Variants in LINGO1 observed in about 807,000 individuals in gnomAD.
LINGO1 encodes leucine-rich repeat and immunoglobulin-like domain-containing nogo receptor-interacting protein 1.
A neutral mutation model predicts 37.3 loss-of-function variants in LINGO1; 11 were observed. The ratio of observed to expected loss-of-function variants is 0.29; its 90% CI spans 0.19 to 0.49. The LOEUF (loss-of-function observed/expected upper bound fraction) is 0.49. LINGO1 is among the 20% of genes least tolerant of loss of function. LINGO1 has a pLI of 0.99. For synonymous variants in LINGO1, 387 were observed against 403.0 expected, an observed-to-expected ratio of 0.96 and a Z score of 0.48; for missense variants, 585 against 878.2, an observed-to-expected ratio of 0.67 and a Z score of 4.22.
intron 1 of LINGO1, among the ~76,000 whole-genome samples, chr15:77,801,466 A>G (rs1278208033): frequency 6.6e-6 from 1 of 152,232 alleles, no homozygotes; most frequent in Non-Finnish European, 1.5e-5. Context: ...GGAGGACAGC[A>G]CGCCAAGCTT....
chr15:77,761,386 T>C (rs1567568956), intron 1 of LINGO1, among the ~76,000 whole-genome samples: 1 of 152,188 alleles, frequency 6.6e-6, no homozygotes, highest in East Asian at 1.9e-4. Context: ...ACAGGACCAC[T>C]TGCAAGCAAG....
rs889926867 is a variant in LINGO1 at position 77,630,849 on chromosome 15, G to A, written c.6+1461C>T. Among the ~76,000 whole-genome samples the A allele has an allele frequency of 1.1e-4, 17 of 152,180 alleles. 1 individual carries two copies. The highest frequency in any genetic ancestry group is 9.8e-4 in the Admixed American group (15 of 15,290). On this transcript the variant is annotated intron_variant, in intron 1 of 1. Coordinates refer to ENST00000355300, the MANE Select transcript of LINGO1 (RefSeq NM_032808.7). ...CGATGTGAGTCTGTGCCCTCTTTCA[G>A]CACGGTTCCAAGGAGTTATTGGTCT... is the stretch of plus-strand genomic sequence containing the variant.
chr15:77,718,328 C>A (rs901123429), intron 2 of LINGO1, among the ~76,000 whole-genome samples: 8 of 150,982 alleles, frequency 5.3e-5, no homozygotes, highest in African/African-American at 1.2e-4. Flanking sequence ...CTCATGCATA[C>A]CCACGCCCAT....
intron 3 of LINGO1, chr15:77,651,741 G>A (rs2074761905): frequency 6.6e-6 from 1 of 152,222 alleles, no homozygotes; most frequent in African/African-American, 2.4e-5. Flanking sequence ...TGATCGATGA[G>A]CAACTCCAGC....
intron 2 of LINGO1, among the ~76,000 whole-genome samples, chr15:77,703,578 G>C (rs1183906682): frequency 6.6e-6 from 1 of 152,198 alleles, no homozygotes; most frequent in African/African-American, 2.4e-5. Context: ...TGGAAGCAAA[G>C]GAAGAAATGC....
chr15:77,683,905 G>T (rs534857206), intron 2 of LINGO1, among the ~76,000 whole-genome samples: 1 of 151,622 alleles, frequency 6.6e-6, no homozygotes, highest in African/African-American at 2.4e-5. Context: ...AAATTCCCTG[G>T]CGTGGCACCC....
chr15:77,793,889 A>G (rs1382848806), intron 2 of LINGO1, among the ~76,000 whole-genome samples: 1 of 152,198 alleles, frequency 6.6e-6, no homozygotes, highest in East Asian at 1.9e-4. Flanking sequence ...GAGAACACAC[A>G]TTACTTTTTT....
chr15:77,713,365 A>C (rs2075944244), intron 2 of LINGO1, among the ~76,000 whole-genome samples: 1 of 151,936 alleles, frequency 6.6e-6, no homozygotes, highest in Non-Finnish European at 1.5e-5. Flanking sequence ...AGCGTGAGCC[A>C]CTGTGCCCAG....
chr15:77,674,416 T>G (rs1258007855), intron 3 of LINGO1, among the ~76,000 whole-genome samples: 1 of 152,192 alleles, frequency 6.6e-6, no homozygotes, highest in African/African-American at 2.4e-5. Context: ...CGCAGAACCT[T>G]CCATGGCTTT....
At chr15:77,776,143 TC>T (rs1225147062) in intron 1 of LINGO1, among the ~76,000 whole-genome samples, 1 of 106,714 alleles carries the variant, frequency 9.4e-6, no homozygotes, top group Non-Finnish European at 1.9e-5. Flanking sequence ...CCCTCCCAGC[TC>T]CTCCCCCTGC....
At chr15:77,664,022 G>A (rs80354320) in intron 3 of LINGO1, among the ~76,000 whole-genome samples, 2,280 of 152,218 alleles carry the variant, frequency 0.015, 50 homozygotes, top group African/African-American at 0.05. Flanking sequence ...TCGGCTGAGC[G>A]TGCAACACCA....
chr15:77,750,538 G>A (rs951224882), intron 1 of LINGO1, among the ~76,000 whole-genome samples: 11 of 152,106 alleles, frequency 7.2e-5, no homozygotes, highest in East Asian at 1.9e-4. Context: ...GTTCCGGTGC[G>A]TGCCTGCTTC....
In LINGO1 at chr15:77,623,030, T is replaced by C. The variant is rs1182250024; in HGVS notation, c.7-7130A>G. Among the ~76,000 whole-genome samples, 6 of 152,076 alleles carry C rather than the reference T, an allele frequency of 3.9e-5. No homozygotes were observed. The East Asian group carries it at 1.2e-3, about 30-fold the overall frequency. ...GCCTCCGAAGTGGGACCGGGCCTGA[T>C]ACAGCTCCACACTCCCAGGCCCTGC... On this transcript the variant is annotated intron_variant, in intron 1 of 1. Coordinates refer to ENST00000355300, the MANE Select transcript of LINGO1 (RefSeq NM_032808.7).
At chr15:77,816,755 C>A (rs1404543612) in intron 1 of LINGO1, among the ~76,000 whole-genome samples, 1 of 152,080 alleles carries the variant, frequency 6.6e-6, no homozygotes, top group Non-Finnish European at 1.5e-5. Flanking sequence ...TGGCTTGGGA[C>A]CCCAAATGAA....
intron 1 of LINGO1, among the ~76,000 whole-genome samples, chr15:77,748,909 CTTTTTTTT>C (rs67399483): frequency 2.2e-4 from 19 of 87,764 alleles, no homozygotes; most frequent in Non-Finnish European, 2.6e-4. Context: ...CCTTCCTTCT[CTTTTTTTT>C]TTTTTTTTTT....
At chr15:77,621,605 G>T (rs1288247852) in intron 1 of LINGO1, among the ~76,000 whole-genome samples, 1 of 152,182 alleles carries the variant, frequency 6.6e-6, no homozygotes, top group Non-Finnish European at 1.5e-5. Flanking sequence ...GGTGGTGCTA[G>T]GGTGAGGCCC....
intron 3 of LINGO1, among the ~76,000 whole-genome samples, chr15:77,644,928 A>T (rs568787417): frequency 2.0e-5 from 3 of 152,138 alleles, no homozygotes; most frequent in Admixed American, 6.5e-5. Flanking sequence ...AGGCGGAGAG[A>T]TCTAGAAGGC....
upstream of LINGO1, among the ~76,000 whole-genome samples, chr15:77,700,837 T>C (rs541497986): frequency 2.0e-4 from 30 of 152,284 alleles, no homozygotes; most frequent in South Asian, 5.6e-3. Flanking sequence ...TTAAAAACAC[T>C]GGTGCTATGT....
At chr15:77,616,798 C>G (rs1055191738) in intron 1 of LINGO1, among the ~76,000 whole-genome samples, 6 of 152,198 alleles carry the variant, frequency 3.9e-5, no homozygotes, top group African/African-American at 1.4e-4. Flanking sequence ...GGCAATGCCC[C>G]TTCCCTGGCT....
Sources: gnomAD v4.1 joint callset for allele counts (sites outside exome capture counted in the v4.1 genomes callset) on GRCh38, gnomAD v4.1.1 for gene constraint, MANE v1.5 for transcripts, NCBI Gene and HGNC (gene_info 2026-07-23, HGNC 2026-07-21) for gene names.